MAN2A1: variants seen among roughly 807,000 people sequenced by gnomAD.
MAN2A1 encodes mannosidase alpha class 2A member 1, also known as alpha-mannosidase 2.
In MAN2A1, 76 loss-of-function variants were observed where a neutral mutation model predicts 142.6. The observed-to-expected ratio is 0.53, with a 90% CI of 0.44 to 0.65. The LOEUF (loss-of-function observed/expected upper bound fraction) is 0.65. MAN2A1 is among the 30% of genes least tolerant of loss of function. The probability of loss-of-function intolerance (pLI) is 0.00; values close to 1 mark genes in which losing one functional copy is unlikely to be tolerated. For synonymous variants in MAN2A1, 559 were observed against 473.2 expected, an observed-to-expected ratio of 1.18 and a Z score of -2.35; for missense variants, 1,311 against 1,365.1, an observed-to-expected ratio of 0.96 and a Z score of 0.62.
intron 16 of MAN2A1, among the ~76,000 whole-genome samples, chr5:109,836,162 T>G (rs149230718): frequency 6.6e-6 from 1 of 151,982 alleles, no homozygotes; most frequent in African/African-American, 2.4e-5. Context: ...CAGGCTGGAG[T>G]GCAGTGGCGC....
At chr5:109,838,234 A>C (rs1240547126) in intron 16 of MAN2A1, among the ~76,000 whole-genome samples, 1 of 152,088 alleles carries the variant, frequency 6.6e-6, no homozygotes, top group African/African-American at 2.4e-5. Flanking sequence ...GGATAAACAA[A>C]CTCCATTCTC....
intron 1 of MAN2A1, among the ~76,000 whole-genome samples, chr5:109,697,541 C>T (rs1283542029): frequency 6.6e-6 from 1 of 152,134 alleles, no homozygotes; most frequent in African/African-American, 2.4e-5. Context: ...CTTTATAGGG[C>T]CATGTGCTAA....
At chr5:109,767,911 G>A (rs1452366172) in intron 6 of MAN2A1, among the ~76,000 whole-genome samples, 4 of 152,142 alleles carry the variant, frequency 2.6e-5, no homozygotes, top group Non-Finnish European at 5.9e-5. Context: ...ATAGAGCATA[G>A]GAGAATCTTT....
At chr5:109,808,701 AAT>A (rs1754237833) in intron 12 of MAN2A1, among the ~76,000 whole-genome samples, 1 of 121,700 alleles carries the variant, frequency 8.2e-6, no homozygotes, top group African/African-American at 3.3e-5. Flanking sequence ...TCCTTACACT[AAT>A]TTTTTTTTTT....
chr5:109,759,962 T>TAGATAG (rs1554076303), intron 5 of MAN2A1, among the ~76,000 whole-genome samples: 36 of 49,444 alleles, frequency 7.3e-4, no homozygotes, highest in African/African-American at 4.2e-3. Context: ...TATATATATA[T>TAGATAG]ATAGATAGAT....
At position 109,694,347 on chromosome 5, in the gene MAN2A1, T is replaced by C. The variant is rs568365342; in HGVS notation, c.135+3795T>C. ...AAGGTGAGAACTTGTATACCTTTTT[T>C]TTTTTTTCTTTGGGATAGGGTTTTG... On this transcript the variant is annotated intron_variant, in intron 1 of 21. Transcript: ENST00000261483. Among the ~76,000 whole-genome samples, 493 of 152,198 alleles carry C rather than the reference T, an allele frequency of 3.2e-3. 4 individuals carry two copies. Among genetic ancestry groups the C allele is most frequent in the African/African-American group, 0.011 (454 of 41,508 alleles).
intron 3 of MAN2A1, among the ~76,000 whole-genome samples, chr5:109,722,180 C>T (rs1220640215): frequency 2.0e-5 from 3 of 152,312 alleles, no homozygotes; most frequent in Non-Finnish European, 4.4e-5. Context: ...AGCCAAATGT[C>T]AACTACTTTA....
At chr5:109,774,763 T>G (rs1330869809) in intron 7 of MAN2A1, 25 bp from the exon 8 acceptor site, 1 of 1,584,724 alleles carries the variant, frequency 6.3e-7, no homozygotes, top group Admixed American at 1.9e-5. Context: ...TATTTGCTGT[T>G]TTTTTGTGTT....
intron 20 of MAN2A1, chr5:109,864,783 T>C (rs989256662): frequency 6.9e-6 from 3 of 433,302 alleles, no homozygotes; most frequent in Non-Finnish European, 1.2e-5. Flanking sequence ...TCGGGGATTA[T>C]AGGGGAAACC....
intron 12 of MAN2A1, among the ~76,000 whole-genome samples, chr5:109,802,151 G>T (rs1371094163): frequency 6.6e-6 from 1 of 152,060 alleles, no homozygotes; most frequent in East Asian, 1.9e-4. Flanking sequence ...CACAGGCAAG[G>T]TCTCTTTTCT....
intron 4 of MAN2A1, among the ~76,000 whole-genome samples, chr5:109,738,540 C>T (rs1752174682): frequency 6.6e-6 from 1 of 152,122 alleles, no homozygotes; most frequent in African/African-American, 2.4e-5. Flanking sequence ...GAACTGGAAC[C>T]AGTCCGCCTA....
chr5:109,740,636 G>A (rs892239800), intron 4 of MAN2A1, among the ~76,000 whole-genome samples: 1 of 152,178 alleles, frequency 6.6e-6, no homozygotes, highest in South Asian at 2.1e-4. Context: ...CCATGAGGGC[G>A]AAGAGTCTGT....
intron 12 of MAN2A1, among the ~76,000 whole-genome samples, chr5:109,815,782 C>T (rs1305490427): frequency 6.6e-6 from 1 of 152,092 alleles, no homozygotes; most frequent in Non-Finnish European, 1.5e-5. Context: ...TGGAAGAATA[C>T]TGGTAAGCTT....
intron 4 of MAN2A1, among the ~76,000 whole-genome samples, chr5:109,739,065 C>A (rs563931638): frequency 6.6e-6 from 1 of 152,192 alleles, no homozygotes; most frequent in Admixed American, 6.5e-5. Flanking sequence ...TGGTCTTGAA[C>A]CCTTGGGCCC....
At chr5:109,690,944 C>A (rs1750652826) in intron 1 of MAN2A1, among the ~76,000 whole-genome samples, 1 of 152,112 alleles carries the variant, frequency 6.6e-6, no homozygotes, top group African/African-American at 2.4e-5. Context: ...AGGGTTAAGC[C>A]GCCCGCACCA....
chr5:109,714,364 CTTAA>C (rs1184292977), intron 2 of MAN2A1, among the ~76,000 whole-genome samples: 3 of 152,012 alleles, frequency 2.0e-5, no homozygotes, highest in African/African-American at 7.2e-5. Flanking sequence ...TGCAAGATAT[CTTAA>C]TTCATTTATA....
Position 109,721,184 on chromosome 5 carries a change from C to A in MAN2A1, c.535+4920C>A, listed in dbSNP as rs532757884. 5.1e-4 allele frequency among the ~76,000 whole-genome samples: 77 copies of A among 152,248 alleles called. 1 individual carries two copies. The highest frequency in any genetic ancestry group is 1.8e-3 in the African/African-American group (75 of 41,554). On this transcript the variant is annotated intron_variant, in intron 3 of 21. Transcript: ENST00000261483. ...AAGTCAGTTAATTTAATTATAAATTCTCAGAGGTTGGTGAATTGAAGCTCA... is the reference window on the plus strand; with the variant it reads ...AAGTCAGTTAATTTAATTATAAATTATCAGAGGTTGGTGAATTGAAGCTCA...
At chr5:109,728,055 G>T (rs1014405711) in intron 3 of MAN2A1, among the ~76,000 whole-genome samples, 3 of 152,156 alleles carry the variant, frequency 2.0e-5, no homozygotes, top group African/African-American at 7.2e-5. Flanking sequence ...AAGACTATTT[G>T]ACATTATATT....
chr5:109,770,672 G>T, intron 7 of MAN2A1, 131 bp downstream of exon 7: 2 of 799,642 alleles, frequency 2.5e-6, no homozygotes, highest in South Asian at 1.9e-5. Context: ...ATTCAAACCA[G>T]ATCTAAAGCA....
Sources: gnomAD v4.1 joint callset for allele counts (sites outside exome capture counted in the v4.1 genomes callset) on GRCh38, gnomAD v4.1.1 for gene constraint, MANE v1.5 for transcripts, NCBI Gene and HGNC (gene_info 2026-07-23, HGNC 2026-07-21) for gene names.